CPE: variants seen among roughly 807,000 people sequenced by gnomAD.
The protein encoded by CPE is carboxypeptidase E.
In CPE, 17 loss-of-function variants were observed where a neutral mutation model predicts 53.5. That is an observed-to-expected ratio of 0.32 (90% CI 0.22 to 0.48). CPE has a LOEUF of 0.48. Ranked by LOEUF, CPE falls within the 20% of genes least tolerant of loss-of-function variation. CPE has a pLI of 0.99. For missense variants in CPE, 524 were observed against 614.7 expected (o/e 0.85, Z 1.56); for synonymous variants, 226 against 228.8 (o/e 0.99, Z 0.11).
rs201412440 is a variant in CPE, at chr4:165,490,360, G to A, written c.1113+2783G>A. ...TTAAAGAATGGTTCATGGGCCAGGC[G>A]TGGTGGCTCACGCCTGTAATCCCAG... On this transcript the variant is annotated intron_variant, in intron 6 of 8. Coordinates refer to ENST00000402744, the MANE Select transcript of CPE (RefSeq NM_001873.4). 9.2e-5 allele frequency among the ~76,000 whole-genome samples: 14 copies of A among 151,912 alleles called. No homozygotes were observed. In the East Asian group the frequency reaches 1.9e-3, roughly 21 times the overall value.
chr4:165,476,483 T>G (rs571455638), intron 3 of CPE, among the ~76,000 whole-genome samples: 1 of 123,206 alleles, frequency 8.1e-6, no homozygotes, highest in South Asian at 2.5e-4. Context: ...CCAGTTAAAC[T>G]CTGCCATTTT....
intron 6 of CPE, 120 bp downstream of exon 6, chr4:165,487,697 G>A: frequency 8.9e-7 from 1 of 1,123,754 alleles, no homozygotes; most frequent in Non-Finnish European, 1.3e-6. Context: ...TGCCATATTT[G>A]GAAGGCAGGT....
intron 1 of CPE, among the ~76,000 whole-genome samples, chr4:165,416,597 A>G (rs1731127476): frequency 2.0e-5 from 3 of 151,872 alleles, no homozygotes; most frequent in Admixed American, 6.5e-5. Flanking sequence ...CAGGCTTTGC[A>G]CATGCCGTTT....
intron 1 of CPE, among the ~76,000 whole-genome samples, chr4:165,454,342 T>C (rs776920983): frequency 6.7e-6 from 1 of 149,998 alleles, no homozygotes; most frequent in African/African-American, 2.5e-5. Flanking sequence ...ACACCGCAAG[T>C]CTTTCATGAT....
chr4:165,461,214 AC>A, intron 1 of CPE, among the ~76,000 whole-genome samples: 1 of 150,712 alleles, frequency 6.6e-6, no homozygotes, highest in African/African-American at 2.4e-5. Context: ...AAGAAAAATA[AC>A]AAAGGAACTG....
At chr4:165,414,282 C>T (rs1731087499) in intron 1 of CPE, among the ~76,000 whole-genome samples, 1 of 152,030 alleles carries the variant, frequency 6.6e-6, no homozygotes, top group Admixed American at 6.6e-5. Context: ...GGATAAAAAT[C>T]TATTTTATTC....
At chr4:165,395,874 C>G (rs565948208) in intron 1 of CPE, among the ~76,000 whole-genome samples, 2 of 152,310 alleles carry the variant, frequency 1.3e-5, no homozygotes, top group African/African-American at 4.8e-5. Context: ...TGAACCTAAT[C>G]TCGCCTGTAT....
chr4:165,396,954 A>C (rs1355331252), intron 1 of CPE, among the ~76,000 whole-genome samples: 3 of 151,578 alleles, frequency 2.0e-5, no homozygotes, highest in Non-Finnish European at 4.4e-5. Context: ...CCAGCTACTC[A>C]GGAGGCTGAG....
intron 2 of CPE, among the ~76,000 whole-genome samples, chr4:165,467,268 A>C (rs1459187629): frequency 1.3e-5 from 2 of 152,226 alleles, no homozygotes; most frequent in Non-Finnish European, 2.9e-5. Context: ...GGTTACAGTT[A>C]GCTGTGATTA....
intron 1 of CPE, among the ~76,000 whole-genome samples, chr4:165,463,852 A>G (rs1732052093): frequency 6.6e-6 from 1 of 152,254 alleles, no homozygotes; most frequent in South Asian, 2.1e-4. Context: ...TCAGACTGCC[A>G]TAGCAAAATA....
intron 1 of CPE, among the ~76,000 whole-genome samples, chr4:165,409,891 G>A (rs1731009478): frequency 6.6e-6 from 1 of 151,992 alleles, no homozygotes; most frequent in African/African-American, 2.4e-5. Flanking sequence ...TCTTTCTAAG[G>A]TAGTTTTATT....
At chr4:165,390,197 C>G (rs1365168496) in intron 1 of CPE, among the ~76,000 whole-genome samples, 1 of 152,152 alleles carries the variant, frequency 6.6e-6, no homozygotes, top group African/African-American at 2.4e-5. Context: ...ATCCACAGTG[C>G]TTGGCATGTA....
chr4:165,404,073 GA>G, intron 1 of CPE: 2 of 975,798 alleles, frequency 2.0e-6, no homozygotes, highest in East Asian at 2.5e-5. Context: ...GCTCACTGAT[GA>G]AACTTCTTGT....
chr4:165,491,795 A>G (rs1732610988), intron 6 of CPE, among the ~76,000 whole-genome samples: 1 of 152,210 alleles, frequency 6.6e-6, no homozygotes, highest in African/African-American at 2.4e-5. Flanking sequence ...TCTTTTTGAT[A>G]AAACAGTGTA....
intron 1 of CPE, among the ~76,000 whole-genome samples, chr4:165,423,607 G>A (rs1433366052): frequency 6.6e-6 from 1 of 151,506 alleles, no homozygotes; most frequent in Non-Finnish European, 1.5e-5. Context: ...AGATTACCAA[G>A]ATAAATATAT....
At chr4:165,459,084 G>A (rs779326884) in intron 1 of CPE, among the ~76,000 whole-genome samples, 1 of 152,026 alleles carries the variant, frequency 6.6e-6, no homozygotes, top group Non-Finnish European at 1.5e-5. Context: ...GAGTTTCTGG[G>A]GTGTAAAAGA....
chr4:165,429,631 A>C (rs1441120972), intron 1 of CPE, among the ~76,000 whole-genome samples: 1 of 151,950 alleles, frequency 6.6e-6, no homozygotes, highest in Non-Finnish European at 1.5e-5. Flanking sequence ...GAGCCCAGGA[A>C]GTGGAGGATG....
At chr4:165,473,033 C>T (rs965099688) in intron 3 of CPE, among the ~76,000 whole-genome samples, 8 of 152,138 alleles carry the variant, frequency 5.3e-5, no homozygotes, top group African/African-American at 1.4e-4. Context: ...TGTATGTCCC[C>T]GGGCCTCACG....
rs955952002 is a variant in CPE, at chr4:165,498,451, G to A, written c.*841G>A. On this transcript the variant is annotated 3_prime_UTR_variant, in exon 9 of 9. Coordinates refer to ENST00000402744, the MANE Select transcript of CPE (RefSeq NM_001873.4). ...TTTTAAAATTTGTTAAGCAACTACT[G>A]TGTGCTAAGCACTGCATAGCCTCTA... 3 of 152,106 alleles carry A rather than the reference G, an allele frequency of 2.0e-5. No homozygotes were observed. In the South Asian group the frequency reaches 6.2e-4, roughly 31 times the overall value. 9.4% of individuals were successfully genotyped at this position (152,106 alleles called of 1,614,324 possible). A position where few individuals can be genotyped will look rare whatever the true frequency, so the allele number is the denominator to read the frequency against.
Sources: allele counts gnomAD v4.1 joint callset (sites outside exome capture counted in the v4.1 genomes callset), GRCh38; gene constraint gnomAD v4.1.1; transcripts MANE v1.5; gene names NCBI Gene and HGNC (gene_info 2026-07-23, HGNC 2026-07-21).